Variants in ANTXR1 observed in about 807,000 individuals in gnomAD.
The protein encoded by ANTXR1 is anthrax toxin receptor 1.
A neutral mutation model predicts 78.1 loss-of-function variants in ANTXR1; 19 were observed. That is an observed-to-expected ratio of 0.24 (90% CI 0.17 to 0.36). The LOEUF is 0.36. Among genes scored for constraint, ANTXR1 ranks in the 10% least tolerant of loss-of-function variants. ANTXR1 has a pLI of 1.00. For synonymous variants in ANTXR1, 273 were observed against 260.5 expected (o/e 1.05, Z -0.46); for missense variants, 518 against 718.6 (o/e 0.72, Z 3.19).
rs577365309 is a variant in ANTXR1 at position 69,212,760 on chromosome 2, T to C, written c.1434+19345T>C. Among the ~76,000 whole-genome samples the C allele has an allele frequency of 4.4e-4, 67 of 152,128 alleles. 1 individual carries two copies. The highest frequency in any genetic ancestry group is 1.5e-3 in the African/African-American group (62 of 41,496). On this transcript the variant is annotated intron_variant, in intron 17 of 17. Transcript: ENST00000303714. ...TTGACCTCTGGGACTCAAGTGATCC[T>C]CCTACCTCTGCCTCCCAAGTAGCTG...
chr2:69,055,849 C>T (rs1361421691), intron 3 of ANTXR1, among the ~76,000 whole-genome samples: 1 of 152,186 alleles, frequency 6.6e-6, no homozygotes, highest in Admixed American at 6.5e-5. Context: ...AGAGAAAACA[C>T]AGACTTTGGA....
At chr2:69,037,080 A>C (rs556426052) in intron 1 of ANTXR1, among the ~76,000 whole-genome samples, 1 of 152,286 alleles carries the variant, frequency 6.6e-6, no homozygotes, top group Admixed American at 6.5e-5. Flanking sequence ...CCCAGTCACC[A>C]AGCAGCTATG....
rs769808586 is a variant in ANTXR1, at chr2:69,077,396, C to G, written c.562-12C>G. ...GTCTCCCCATGTGTTTGTGTATTTG[C>G]TGTGTTCTCAGCTGGCCCGGATTGC... On this transcript the variant is annotated splice_polypyrimidine_tract_variant and intron_variant, in intron 7 of 17. Coordinates refer to ENST00000303714, the MANE Select transcript of ANTXR1 (RefSeq NM_032208.3). 6 of 1,614,086 alleles carry G rather than the reference C, an allele frequency of 3.7e-6. No individual in the cohort carries two copies. The highest frequency in any genetic ancestry group is 2.2e-5 in the East Asian group (1 of 44,878).
At chr2:69,082,673 G>A (rs1446289575) in intron 8 of ANTXR1, among the ~76,000 whole-genome samples, 3 of 151,774 alleles carry the variant, frequency 2.0e-5, no homozygotes, top group South Asian at 2.1e-4. Flanking sequence ...CCAACACTCG[G>A]CCTGGTTACC....
At chr2:69,220,196 A>G (rs1258054413) in intron 17 of ANTXR1, among the ~76,000 whole-genome samples, 2 of 152,074 alleles carry the variant, frequency 1.3e-5, no homozygotes, top group East Asian at 1.9e-4. Context: ...GCAAAGAAAC[A>G]TTGGTTCTGT....
Position 69,119,468 on chromosome 2 carries a change from G to A in ANTXR1, c.803-3549G>A, listed in dbSNP as rs147333090. Among the ~76,000 whole-genome samples, 232 of 152,334 alleles carry A rather than the reference G, an allele frequency of 1.5e-3. 2 individuals carry two copies. The highest frequency in any genetic ancestry group is 5.1e-3 in the African/African-American group (211 of 41,576). The stretch of plus-strand genomic sequence containing the variant: ...GCCACGAGGAAATAAATATAGGTTC[G>A]AGTCAGCCACGCCTGTCCCCAGTTC... On this transcript the variant is annotated intron_variant, in intron 10 of 17. Transcript: ENST00000303714.
chr2:69,013,259 T>C lies in ANTXR1; in HGVS notation c.-241T>C. ...CCCGGACCGAGGCAGCCCTCCCCTT[T>C]AAAAGAAGCGGAGGACAGGATTGGG... On this transcript the variant is annotated 5_prime_UTR_variant, in exon 1 of 18. Coordinates refer to ENST00000303714, the MANE Select transcript of ANTXR1 (RefSeq NM_032208.3). The surrounding 1 kb of genome is among the most constrained non-coding windows in gnomAD (Gnocchi z 5.0). 1.6e-6 allele frequency: 1 copy of C among 624,804 alleles called. No homozygotes were observed. The highest frequency in any genetic ancestry group is 2.8e-6 in the Non-Finnish European group (1 of 360,392). 38.7% of individuals were successfully genotyped at this position (624,804 alleles called of 1,614,324 possible).
intron 10 of ANTXR1, among the ~76,000 whole-genome samples, chr2:69,113,754 C>T (rs945276655): frequency 2.0e-5 from 3 of 152,190 alleles, no homozygotes; most frequent in Non-Finnish European, 2.9e-5. Flanking sequence ...CACAAGGGTT[C>T]GTGTGTCAGG....
rs80219861 is a variant in ANTXR1, at chr2:69,048,115, G to A, written c.296+3302G>A. 2.0e-4 allele frequency among the ~76,000 whole-genome samples: 30 copies of A among 152,196 alleles called. No individual in the cohort carries two copies. In the East Asian group the frequency reaches 5.8e-3, roughly 29 times the overall value. ...GCATATGAGTCCCTGGATACTCCAA[G>A]GAGAGTCTTGTTCTTACATTAATTG... On this transcript the variant is annotated intron_variant, in intron 3 of 17. Transcript: ENST00000303714.
chr2:69,155,960 T>TGA (rs1290838357), intron 13 of ANTXR1, among the ~76,000 whole-genome samples: 1 of 152,102 alleles, frequency 6.6e-6, no homozygotes, highest in Non-Finnish European at 1.5e-5. Flanking sequence ...GACTCCATGT[T>TGA]GACACTCTGA....
intron 8 of ANTXR1, among the ~76,000 whole-genome samples, chr2:69,078,445 C>A (rs937982864): frequency 1.3e-5 from 2 of 152,180 alleles, no homozygotes; most frequent in Non-Finnish European, 2.9e-5. Context: ...GGGTTACCGG[C>A]CAAGGGCTCA....
intron 12 of ANTXR1, among the ~76,000 whole-genome samples, chr2:69,128,891 ACTTTT>A (rs1286525785): frequency 3.9e-5 from 6 of 152,332 alleles, no homozygotes; most frequent in Admixed American, 2.6e-4. Context: ...TGTAGTTGAG[ACTTTT>A]CTTTTCTCAC....
chr2:69,089,023 T>A (rs1053253434), intron 8 of ANTXR1, among the ~76,000 whole-genome samples: 4 of 151,788 alleles, frequency 2.6e-5, no homozygotes, highest in Non-Finnish European at 5.9e-5. Context: ...GTGTCTGGGG[T>A]GGGTGGAGGT....
At chr2:69,241,404 C>A (rs1046276021) in intron 17 of ANTXR1, among the ~76,000 whole-genome samples, 1 of 152,166 alleles carries the variant, frequency 6.6e-6, no homozygotes, top group Non-Finnish European at 1.5e-5. Flanking sequence ...CTTATTGTAA[C>A]CACACCCCTC....
chr2:69,196,139 C>T (rs1347770248), intron 17 of ANTXR1, among the ~76,000 whole-genome samples: 1 of 152,192 alleles, frequency 6.6e-6, no homozygotes, highest in East Asian at 1.9e-4. Flanking sequence ...TTTACCAATT[C>T]TGAATGAAAG....
At chr2:69,214,009 GC>G (rs1305771874) in intron 17 of ANTXR1, among the ~76,000 whole-genome samples, 1 of 152,266 alleles carries the variant, frequency 6.6e-6, no homozygotes, top group Non-Finnish European at 1.5e-5. Flanking sequence ...GCAACCCACA[GC>G]CAGGCAGTCT....
At chr2:69,190,790 T>C (rs1674526566) in intron 16 of ANTXR1, among the ~76,000 whole-genome samples, 1 of 152,170 alleles carries the variant, frequency 6.6e-6, no homozygotes, top group African/African-American at 2.4e-5. Context: ...CTCCTGGTAT[T>C]ATACATCTAG....
chr2:69,031,915 A>G (rs1671539158), intron 1 of ANTXR1, among the ~76,000 whole-genome samples: 1 of 152,222 alleles, frequency 6.6e-6, no homozygotes, highest in Non-Finnish European at 1.5e-5. Flanking sequence ...CTCCTGCCAG[A>G]TGGATGTCTC....
At chr2:69,079,444 G>A (rs1394662666) in intron 8 of ANTXR1, among the ~76,000 whole-genome samples, 1 of 152,010 alleles carries the variant, frequency 6.6e-6, no homozygotes, top group Non-Finnish European at 1.5e-5. Context: ...AAGGTGATGG[G>A]TACCACCAAA....
Sources: allele counts gnomAD v4.1 joint callset (sites outside exome capture counted in the v4.1 genomes callset), GRCh38; gene constraint gnomAD v4.1.1; non-coding constraint Gnocchi (gnomAD v3.1); transcripts MANE v1.5; gene names NCBI Gene and HGNC (gene_info 2026-07-23, HGNC 2026-07-21).